Variants in SPIN1 observed in about 807,000 individuals in gnomAD.
SPIN1 encodes the protein spindlin-1.
SPIN1 carries 3 observed loss-of-function variants against 26.0 expected under a neutral mutation model. The observed-to-expected ratio is 0.12, with a 90% CI of 0.05 to 0.30. The LOEUF (loss-of-function observed/expected upper bound fraction) is 0.30, where lower values mean the gene tolerates loss of function less well. Ranked by LOEUF, SPIN1 falls within the 10% of genes least tolerant of loss-of-function variation. SPIN1 has a pLI of 1.00. For missense variants in SPIN1, 126 were observed against 333.4 expected (o/e 0.38, Z 4.84); for synonymous variants, 101 against 116.5 (o/e 0.87, Z 0.86).
chr9:88,433,578 G>T (rs377232469), intron 2 of SPIN1, among the ~76,000 whole-genome samples: 1 of 152,192 alleles, frequency 6.6e-6, no homozygotes, highest in Non-Finnish European at 1.5e-5. Context: ...GACTTCTCCT[G>T]CCTTATTGGG....
In SPIN1 at chr9:88,448,926, T is replaced by C; in HGVS notation, c.53-15T>C. On this transcript the variant is annotated splice_polypyrimidine_tract_variant and intron_variant, in intron 2 of 5. Coordinates refer to ENST00000375859, the MANE Select transcript of SPIN1 (RefSeq NM_006717.3). ...TATCTGGTTTTCATTGACTATATAC[T>C]CATCTCTCTTACAGGCCATGCTGGA... is the stretch of plus-strand genomic sequence containing the variant. The C allele has an allele frequency of 6.2e-7, 1 of 1,613,004 alleles. No individual in the cohort carries two copies. Among genetic ancestry groups the C allele is most frequent in the Non-Finnish European group, 8.5e-7 (1 of 1,179,448 alleles).
At chr9:88,411,596 CT>C (rs745442562) in intron 1 of SPIN1, 6 of 555,212 alleles carry the variant, frequency 1.1e-5, no homozygotes, top group African/African-American at 1.9e-5. Flanking sequence ...TTACTATAGC[CT>C]TGGCCTCCTG....
intron 2 of SPIN1, among the ~76,000 whole-genome samples, chr9:88,432,498 T>C (rs1362512436): frequency 2.0e-5 from 3 of 150,900 alleles, no homozygotes; most frequent in African/African-American, 4.9e-5. Flanking sequence ...TTTTTTTTTT[T>C]CTTTGAGACA....
At chr9:88,399,139 C>T (rs1331224621) in intron 1 of SPIN1, among the ~76,000 whole-genome samples, 4 of 151,448 alleles carry the variant, frequency 2.6e-5, no homozygotes, top group African/African-American at 9.7e-5. Flanking sequence ...TCAAGCGATT[C>T]TCCTGCCTCA....
At chr9:88,436,673 G>T (rs1354660822) in intron 2 of SPIN1, among the ~76,000 whole-genome samples, 2 of 149,440 alleles carry the variant, frequency 1.3e-5, no homozygotes, top group African/African-American at 2.4e-5. Context: ...ACGTCATAAA[G>T]TCGGAATCAT....
chr9:88,461,568 TTA>T (rs1828577110), intron 3 of SPIN1, among the ~76,000 whole-genome samples: 1 of 152,232 alleles, frequency 6.6e-6, no homozygotes, highest in African/African-American at 2.4e-5. Flanking sequence ...CTTATTTGTG[TTA>T]TATGTCAGAT....
chr9:88,438,470 C>T lies in SPIN1; in HGVS notation c.53-10471C>T, dbSNP rs75927545. On this transcript the variant is annotated intron_variant, in intron 2 of 5. Coordinates refer to ENST00000375859, the MANE Select transcript of SPIN1 (RefSeq NM_006717.3). ...GAAACTGTTTTACAGTTCATAATGT[C>T]GTCTGTTTTGGTGTATTTTCCGTGT... Among the ~76,000 whole-genome samples, 87 of 152,186 alleles carry T rather than the reference C, an allele frequency of 5.7e-4. 1 individual carries two copies. In the East Asian group the frequency reaches 0.016, roughly 28 times the overall value.
chr9:88,475,047 CTTTTTTT>C (rs11320023), intron 5 of SPIN1, 24 bp from the exon 6 acceptor site: 16,095 of 840,914 alleles, frequency 0.019, 80 homozygotes, highest in Middle Eastern at 0.044. Context: ...CTCTCTCTCT[CTTTTTTT>C]TTTTTTTTTT....
At chr9:88,413,200 C>T (rs918271997) in intron 1 of SPIN1, among the ~76,000 whole-genome samples, 15 of 141,720 alleles carry the variant, frequency 1.1e-4, no homozygotes, top group Admixed American at 6.4e-4. Flanking sequence ...CTGAGTAGCT[C>T]GCACTACAGG....
intron 1 of SPIN1, among the ~76,000 whole-genome samples, chr9:88,421,912 A>G (rs779469166): frequency 1.3e-5 from 2 of 152,056 alleles, no homozygotes; most frequent in African/African-American, 2.4e-5. Context: ...ACCTGGAGGT[A>G]AAACATTTTT....
chr9:88,466,178 A>C (rs1564043814), intron 4 of SPIN1, among the ~76,000 whole-genome samples: 1 of 151,840 alleles, frequency 6.6e-6, no homozygotes, highest in Non-Finnish European at 1.5e-5. Flanking sequence ...TTTTTTTTAG[A>C]GACAGGATCT....
intron 4 of SPIN1, among the ~76,000 whole-genome samples, chr9:88,465,602 A>G (rs1301490589): frequency 6.6e-6 from 1 of 152,138 alleles, no homozygotes; most frequent in East Asian, 1.9e-4. Context: ...ATCTTTGGGG[A>G]AATATCTACT....
At chr9:88,405,056 T>G (rs757040230) in intron 1 of SPIN1, among the ~76,000 whole-genome samples, 1 of 152,136 alleles carries the variant, frequency 6.6e-6, no homozygotes, top group Non-Finnish European at 1.5e-5. Context: ...ATAACAGTAC[T>G]TTCTTCTGGA....
intron 1 of SPIN1, among the ~76,000 whole-genome samples, chr9:88,396,543 A>C (rs1183772445): frequency 6.6e-6 from 1 of 152,166 alleles, no homozygotes; most frequent in Non-Finnish European, 1.5e-5. Context: ...CGGAGGCTGC[A>C]GTGAGCTGAG....
intron 1 of SPIN1, among the ~76,000 whole-genome samples, chr9:88,405,536 CTTTTTTTTTTT>C (rs757565862): frequency 9.0e-6 from 1 of 110,740 alleles, no homozygotes; most frequent in Admixed American, 9.8e-5. Context: ...CTGTACTATC[CTTTTTTTTTTT>C]TTTTTTTTTC....
intron 1 of SPIN1, among the ~76,000 whole-genome samples, chr9:88,399,010 A>G (rs1290664789): frequency 6.6e-6 from 1 of 151,502 alleles, no homozygotes; most frequent in African/African-American, 2.4e-5. Context: ...GAGTTCACAC[A>G]GTGTAGGAGG....
At chr9:88,406,707 G>A (rs998846237) in intron 1 of SPIN1, among the ~76,000 whole-genome samples, 2 of 152,056 alleles carry the variant, frequency 1.3e-5, no homozygotes, top group Non-Finnish European at 2.9e-5. Context: ...AGTACTTTCT[G>A]CCTATCAAAC....
chr9:88,411,688 A>G (rs1182204129), intron 1 of SPIN1, among the ~76,000 whole-genome samples: 1 of 151,578 alleles, frequency 6.6e-6, no homozygotes, highest in East Asian at 1.9e-4. Context: ...TAATTTTTTA[A>G]ATTTTTAGTA....
chr9:88,415,748 A>C (rs1438319234), intron 1 of SPIN1: 1 of 151,582 alleles, frequency 6.6e-6, no homozygotes, highest in Non-Finnish European at 1.5e-5. Flanking sequence ...AGAATATGTA[A>C]TAATTTTTTT....
Sources: allele counts gnomAD v4.1 joint callset (sites outside exome capture counted in the v4.1 genomes callset), GRCh38; gene constraint gnomAD v4.1.1; transcripts MANE v1.5; gene names NCBI Gene and HGNC (gene_info 2026-07-23, HGNC 2026-07-21).